Variants in PCDHGB3 observed in about 807,000 individuals in gnomAD.
The protein encoded by PCDHGB3 is protocadherin gamma subfamily B, 3.
A neutral mutation model predicts 59.2 loss-of-function variants in PCDHGB3; 40 were observed. The observed-to-expected ratio is 0.68, with a 90% CI of 0.52 to 0.88. The LOEUF (loss-of-function observed/expected upper bound fraction) is 0.88, where lower values mean the gene tolerates loss of function less well. Among genes scored for constraint, PCDHGB3 ranks in the 40% least tolerant of loss-of-function variants. PCDHGB3 has a pLI of 0.00. For synonymous variants in PCDHGB3, 581 were observed against 503.6 expected (o/e 1.15, Z -2.06); for missense variants, 1,309 against 1,187.9 (o/e 1.10, Z -1.50).
rs764696444 is a variant in PCDHGB3 at position 141,375,374 on chromosome 5, C to A, written c.2415+2565C>A. On this transcript the variant is annotated intron_variant, in intron 1 of 3. Coordinates refer to ENST00000576222, the MANE Select transcript of PCDHGB3 (RefSeq NM_018924.5). Reference sequence around the variant, plus strand: ...GACAGCCACGGACAAAGGAACACCACCTCTGTCTACAGAAACAATCATCTC... The same window carrying A: ...GACAGCCACGGACAAAGGAACACCAACTCTGTCTACAGAAACAATCATCTC... The A allele has an allele frequency of 2.4e-5, 38 of 1,613,952 alleles. No homozygotes were observed. In the South Asian group the frequency reaches 3.6e-4, roughly 15 times the overall value.
At position 141,431,258 on chromosome 5, in the gene PCDHGB3, C is replaced by G. The variant is rs754250241; in HGVS notation, c.2415+58449C>G. 6.2e-6 allele frequency: 10 copies of G among 1,614,186 alleles called. No individual in the cohort carries two copies. The highest frequency in any genetic ancestry group is 1.6e-4 in the Middle Eastern group (1 of 6,062). ...GGATCCGGATATCGGGAAGAACTCT[C>G]TGCAGAGCTACGAGCTCAGCCCGAA... On this transcript the variant is annotated intron_variant, in intron 1 of 3. Transcript: ENST00000576222. This position sits in a 1 kb window ranked among gnomAD's most constrained non-coding sequence, Gnocchi z 4.8.
chr5:141,388,785 G>T, intron 1 of PCDHGB3: 1 of 1,613,868 alleles, frequency 6.2e-7, no homozygotes, highest in South Asian at 1.1e-5. Context: ...GGAAATTACT[G>T]TTTTAAATAC....
At chr5:141,447,950 G>T (rs1195519095) in intron 1 of PCDHGB3, among the ~76,000 whole-genome samples, 1 of 152,052 alleles carries the variant, frequency 6.6e-6, no homozygotes, top group Non-Finnish European at 1.5e-5. Flanking sequence ...GCTGGGCATG[G>T]TGGCGGACAC....
intron 1 of PCDHGB3, chr5:141,419,377 C>A (rs2096371335): frequency 6.2e-7 from 1 of 1,613,572 alleles, no homozygotes; most frequent in African/African-American, 1.3e-5. Flanking sequence ...CCTACGTGTC[C>A]GTGAGCGCGC....
intron 1 of PCDHGB3, chr5:141,409,394 T>C: frequency 1.9e-6 from 3 of 1,614,008 alleles, no homozygotes; most frequent in Non-Finnish European, 2.5e-6. Flanking sequence ...TTATTCTTCT[T>C]CCAATAACTA....
chr5:141,433,878 T>C (rs774226497), intron 1 of PCDHGB3, among the ~76,000 whole-genome samples: 15 of 151,848 alleles, frequency 9.9e-5, no homozygotes, highest in Non-Finnish European at 1.5e-4. Flanking sequence ...GTTTCATCCA[T>C]TGATGACACT....
chr5:141,372,484 C>T lies in PCDHGB3; in HGVS notation c.2090C>T (p.Ala697Val), dbSNP rs1161994695. The T allele has an allele frequency of 6.2e-7, 1 of 1,614,060 alleles. No homozygotes were observed. The highest frequency in any genetic ancestry group is 8.5e-7 in the Non-Finnish European group (1 of 1,179,892). The change falls in exon 1 of 4, where the codon GCC (alanine) becomes GTC (valine). Residue 697 changes from alanine to valine, a missense_variant. Coordinates refer to ENST00000576222, the MANE Select transcript of PCDHGB3 (RefSeq NM_018924.5). ...CAGTTTCACCTAGTAGTGGCGTTGG[C>T]CTTGATCTCAGTGCTCTTCCTCCTC... ...ELQFHLVVAL[A>V]LISVLFLLAV...
rs199698737 is a variant in PCDHGB3, at chr5:141,438,639, C to T, written c.2416-56168C>T. On this transcript the variant is annotated intron_variant, in intron 1 of 3. Transcript: ENST00000576222. ...ATATATATATATATATATATATACA[C>T]ACACACACACACATATATGTATATA... 7.1e-3 allele frequency among the ~76,000 whole-genome samples: 359 copies of T among 50,816 alleles called. 1 individual carries two copies. Among genetic ancestry groups the T allele is most frequent in the South Asian group, 0.017 (27 of 1,588 alleles). The allele number at this position is 50,816 out of a possible 152,430, so 33.3% of individuals were successfully genotyped here.
chr5:141,505,960 G>A (rs2099849410), intron 3 of PCDHGB3, among the ~76,000 whole-genome samples: 1 of 152,202 alleles, frequency 6.6e-6, no homozygotes, highest in Non-Finnish European at 1.5e-5. Context: ...AGTGGGTGTA[G>A]AAATCCCCAG....
At chr5:141,468,739 G>A (rs1167211344) in intron 1 of PCDHGB3, among the ~76,000 whole-genome samples, 5 of 152,000 alleles carry the variant, frequency 3.3e-5, no homozygotes, top group African/African-American at 1.2e-4. Context: ...GGTGGCGGGT[G>A]CCTGTAGTCC....
At chr5:141,423,722 GT>G in intron 1 of PCDHGB3, 1 of 954,176 alleles carries the variant, frequency 1.0e-6, no homozygotes, top group Admixed American at 5.1e-5. Flanking sequence ...TTAAGGAGAT[GT>G]TTTTTGAGCC....
At chr5:141,484,621 T>C (rs2099598239) in intron 1 of PCDHGB3, among the ~76,000 whole-genome samples, 1 of 152,058 alleles carries the variant, frequency 6.6e-6, no homozygotes, top group Admixed American at 6.6e-5. Flanking sequence ...CAACACTGGC[T>C]TGAACAAAGT....
At chr5:141,384,889 G>GTGGC in intron 1 of PCDHGB3, 1 of 1,613,882 alleles carries the variant, frequency 6.2e-7, no homozygotes, top group Non-Finnish European at 8.5e-7. Context: ...CACCGTGGCT[G>GTGGC]TGGCTGACAG....
chr5:141,420,005 C>T, intron 1 of PCDHGB3: 2 of 1,614,056 alleles, frequency 1.2e-6, no homozygotes, highest in Non-Finnish European at 1.7e-6. Context: ...TCTACGCCTG[C>T]GACAGTCTTT....
intron 1 of PCDHGB3, chr5:141,395,139 G>C: frequency 6.2e-7 from 1 of 1,614,144 alleles, no homozygotes. Flanking sequence ...GCCCAACTAC[G>C]CAGACATGCT....
intron 1 of PCDHGB3, among the ~76,000 whole-genome samples, chr5:141,425,350 A>G (rs926657846): frequency 6.6e-6 from 1 of 152,194 alleles, no homozygotes; most frequent in Non-Finnish European, 1.5e-5. Context: ...TGGCTTTGAA[A>G]TGTGATATTA....
chr5:141,392,546 T>A (rs1207052717), intron 1 of PCDHGB3: 1 of 336,090 alleles, frequency 3.0e-6, no homozygotes, highest in Non-Finnish European at 5.4e-6. Flanking sequence ...AGAAGTAATC[T>A]GTATCTCAGT....
At chr5:141,413,451 CA>C (rs1561742676) in intron 1 of PCDHGB3, 1 of 1,614,118 alleles carries the variant, frequency 6.2e-7, no homozygotes, top group East Asian at 2.2e-5. Context: ...TCACCGCGGG[CA>C]GGATAGACCG....
chr5:141,426,643 T>C (rs1280631056), intron 1 of PCDHGB3: 1 of 411,758 alleles, frequency 2.4e-6, no homozygotes, highest in Non-Finnish European at 5.0e-6. Flanking sequence ...CACATAAATG[T>C]GATGATAGAA....
Sources: gnomAD v4.1 joint callset for allele counts (sites outside exome capture counted in the v4.1 genomes callset) on GRCh38, gnomAD v4.1.1 for gene constraint, Gnocchi (gnomAD v3.1) non-coding constraint, MANE v1.5 for transcripts, NCBI Gene and HGNC (gene_info 2026-07-23, HGNC 2026-07-21) for gene names.